Variants in TRIO observed in about 807,000 individuals in gnomAD.
The protein encoded by TRIO is triple functional domain protein.
In TRIO, 58 loss-of-function variants were observed where a neutral mutation model predicts 351.9. The ratio of observed to expected loss-of-function variants is 0.16; its 90% confidence interval spans 0.13 to 0.21. The LOEUF (loss-of-function observed/expected upper bound fraction) is 0.21. TRIO is among the 10% of genes least tolerant of loss of function. The pLI, the probability that TRIO is intolerant of heterozygous loss-of-function variation, is 1.00. For synonymous variants in TRIO, 1,758 were observed against 1,595.7 expected, an observed-to-expected ratio of 1.10 and a Z score of -2.42; for missense variants, 3,201 against 4,027.8, an observed-to-expected ratio of 0.79 and a Z score of 5.56.
chr5:14,481,149 G>A (rs1343337391), intron 43 of TRIO, 85 bp from the exon 44 acceptor site: 1 of 1,433,968 alleles, frequency 7.0e-7, no homozygotes, highest in Non-Finnish European at 9.5e-7. Flanking sequence ...AACATAGTGA[G>A]ACCCTGTCTC....
Position 14,498,224 on chromosome 5 carries a change from A to G in TRIO, c.8183A>G (p.Asn2728Ser), listed in dbSNP as rs1757026738. ...GGCCCTGAACACAACACCTTGAACA[A>G]CGATGGTCACTACAGCATCTCCTAC... is the stretch of plus-strand genomic sequence containing the variant. ...WKGPEHNTLN[N>S]DGHYSISYSD... The change falls in exon 52 of 57, where the codon AAC becomes AGC. Residue 2728 changes from asparagine to serine, a missense_variant. Physicochemically the swap from Asn to Ser is conservative, Grantham distance 46 (BLOSUM62 1). Around this residue, in one of 19 missense-constraint regions of TRIO, gnomAD observed 1,089 missense variants for 954.9 expected, o/e 1.14. Coordinates refer to ENST00000344204, the MANE Select transcript of TRIO (RefSeq NM_007118.4). 3 of 1,614,100 alleles carry G rather than the reference A, an allele frequency of 1.9e-6. No homozygotes were observed. The highest frequency in any genetic ancestry group is 2.2e-5 in the South Asian group (2 of 91,092).
At chr5:14,466,800 T>G (rs1754293002) in intron 37 of TRIO, among the ~76,000 whole-genome samples, 1 of 152,256 alleles carries the variant, frequency 6.6e-6, no homozygotes, top group Non-Finnish European at 1.5e-5. Flanking sequence ...ATTCAATTTT[T>G]AAGACTCTAA....
At chr5:14,379,273 C>T (rs1303587809) in intron 20 of TRIO, among the ~76,000 whole-genome samples, 1 of 152,242 alleles carries the variant, frequency 6.6e-6, no homozygotes, top group African/African-American at 2.4e-5. Flanking sequence ...ACCTCATATG[C>T]AGCTGATCCA....
Position 14,286,676 on chromosome 5 carries a change from G to A in TRIO, c.348-195G>A, listed in dbSNP as rs558059236. Among the ~76,000 whole-genome samples the A allele has an allele frequency of 9.2e-5, 14 of 152,312 alleles. No individual in the cohort carries two copies. The highest frequency in any genetic ancestry group is 3.4e-3 in the Middle Eastern group (1 of 294). On this transcript the variant is annotated intron_variant, in intron 3 of 56. Coordinates refer to ENST00000344204, the MANE Select transcript of TRIO (RefSeq NM_007118.4). This position sits in a 1 kb window ranked among gnomAD's most constrained non-coding sequence, Gnocchi z 4.4. ...AGGTTTTGCAGGTTGAACATGAAGCGTGTATAGCCTGGGTCTCTTCCTTTA... is the reference window on the plus strand; with the variant it reads ...AGGTTTTGCAGGTTGAACATGAAGCATGTATAGCCTGGGTCTCTTCCTTTA...
intron 27 of TRIO, among the ~76,000 whole-genome samples, chr5:14,392,804 T>C (rs770958575): frequency 3.3e-5 from 5 of 152,200 alleles, no homozygotes; most frequent in Admixed American, 6.5e-5. Context: ...CCCAGCACTT[T>C]GGGAGGCCAA....
In TRIO at chr5:14,286,791, T is replaced by C; in HGVS notation, c.348-80T>C. ...TCCAGCAGGGGAGGGAAGCTGGGTCTGTGGCACCCAGTGGGACTCTGACCA... is the reference window on the plus strand; with the variant it reads ...TCCAGCAGGGGAGGGAAGCTGGGTCCGTGGCACCCAGTGGGACTCTGACCA... On this transcript the variant is annotated intron_variant, in intron 3 of 56. Coordinates refer to ENST00000344204, the MANE Select transcript of TRIO (RefSeq NM_007118.4). This position sits in a 1 kb window ranked among gnomAD's most constrained non-coding sequence, Gnocchi z 4.4. 6.8e-7 allele frequency: 1 copy of C among 1,478,186 alleles called. No homozygotes were observed. The highest frequency in any genetic ancestry group is 9.1e-7 in the Non-Finnish European group (1 of 1,093,258). The allele number at this position is 1,478,186 out of a possible 1,614,324, so 91.6% of individuals were successfully genotyped here. A position where few individuals can be genotyped will look rare whatever the true frequency, so the allele number is the denominator to read the frequency against.
intron 1 of TRIO, among the ~76,000 whole-genome samples, chr5:14,212,475 T>C (rs1394010482): frequency 2.0e-5 from 3 of 152,192 alleles, no homozygotes; most frequent in Non-Finnish European, 4.4e-5. Context: ...AACGTGCAGA[T>C]GCTGCTTTCA....
rs951847219 is a variant in TRIO at position 14,381,068 on chromosome 5, G to A, written c.3448-62G>A. On this transcript the variant is annotated intron_variant, in intron 20 of 56. Coordinates refer to ENST00000344204, the MANE Select transcript of TRIO (RefSeq NM_007118.4). ...TTTGACCTTTAAATGAGGTGCTCGG[G>A]GCTTTGGGCTCCTCTCAGGAATGTG... is the stretch of plus-strand genomic sequence containing the variant. The A allele has an allele frequency of 1.0e-5, 16 of 1,549,766 alleles. No individual in the cohort carries two copies. In the East Asian group the frequency reaches 3.2e-4, roughly 31 times the overall value.
rs1408560528 is a variant in TRIO at position 14,336,630 on chromosome 5, A to G, written c.1949A>G (p.His650Arg). Residue 650 changes from histidine (H) to arginine (R), a missense_variant, in exon 11 of 57, where the codon CAT (histidine) becomes CGT (arginine). His to Arg is a conservative substitution (Grantham distance 29, BLOSUM62 0). Transcript: ENST00000344204. ...CCCGAAGAGATTTATCAGGCTGCCC[A>G]TCAGCTGGAAGACCGGATTCAAGAT... ...CDPEEIYQAA[H>R]QLEDRIQDFV... 6.2e-7 allele frequency: 1 copy of G among 1,614,210 alleles called. No individual in the cohort carries two copies.
rs758154355 is a variant in TRIO, at chr5:14,487,532, A to G, written c.6904A>G (p.Ser2302Gly). The G allele has an allele frequency of 2.2e-5, 17 of 788,590 alleles. No individual in the cohort carries two copies. Among genetic ancestry groups the G allele is most frequent in the African/African-American group, 7.6e-5 (4 of 52,392 alleles). 48.8% of individuals were successfully genotyped at this position (788,590 alleles called of 1,614,324 possible). Reference protein sequence around the residue: ...GGGGGGGSGGSGGGGGSGGGG... With the variant: ...GGGGGGGSGGGGGGGGSGGGG... Reference sequence around the variant, plus strand: ...CGGCGGCGGCGGCGGCAGCGGGGGCAGCGGCGGGGGTGGGGGCAGCGGCGG... The same window carrying G: ...CGGCGGCGGCGGCGGCAGCGGGGGCGGCGGCGGGGGTGGGGGCAGCGGCGG... Residue 2302 changes from serine to glycine, a missense_variant, in exon 48 of 57, where the codon AGC becomes GGC. Ser to Gly is a moderately conservative substitution (Grantham distance 56). Transcript: ENST00000344204.
chr5:14,283,086 G>C (rs1052190559), intron 3 of TRIO, among the ~76,000 whole-genome samples: 4 of 152,146 alleles, frequency 2.6e-5, no homozygotes, highest in Non-Finnish European at 5.9e-5. Flanking sequence ...CAAATTATGT[G>C]ATACAGATTT....
At chr5:14,238,092 A>T (rs1181595902) in intron 1 of TRIO, among the ~76,000 whole-genome samples, 3 of 152,164 alleles carry the variant, frequency 2.0e-5, no homozygotes, top group Non-Finnish European at 2.9e-5. Flanking sequence ...GAAGTTAGAG[A>T]TAGTGAACTT....
chr5:14,450,393 A>C (rs1579689513), intron 34 of TRIO, among the ~76,000 whole-genome samples: 1 of 152,170 alleles, frequency 6.6e-6, no homozygotes, highest in East Asian at 1.9e-4. Flanking sequence ...CTGCTGGTGA[A>C]AGCTCCCCAC....
rs375450837 is a variant in TRIO, at chr5:14,316,575, C to T, written c.1563C>T (p.Ser521=). The T allele has an allele frequency of 3.1e-5, 50 of 1,614,064 alleles. No individual in the cohort carries two copies. The Admixed American group carries it at 3.8e-4, about 12-fold the overall frequency. Residue 521 remains serine (S), a synonymous_variant, in exon 9 of 57, where the codon TCC becomes TCT. Coordinates refer to ENST00000344204, the MANE Select transcript of TRIO (RefSeq NM_007118.4). The part of the protein sequence containing the change: ...KLQRPLTPGS[S]DSLTASANYS... ...AGCGGCCCTTGACTCCCGGCAGCTC[C>T]GATTCCCTGACAGCCTCTGCCAACT...
chr5:14,219,290 AC>A (rs1462406287), intron 1 of TRIO, among the ~76,000 whole-genome samples: 1 of 150,816 alleles, frequency 6.6e-6, no homozygotes, highest in Non-Finnish European at 1.5e-5. Context: ...TGTTTTCCTT[AC>A]CCCCCGCCCA....
chr5:14,348,479 G>A (rs1742643839), intron 11 of TRIO, among the ~76,000 whole-genome samples: 1 of 152,256 alleles, frequency 6.6e-6, no homozygotes, highest in Non-Finnish European at 1.5e-5. Flanking sequence ...TCCTGCTTGT[G>A]TGTGCGTGTG....
chr5:14,294,845 A>G (rs1466154664), intron 6 of TRIO, among the ~76,000 whole-genome samples: 9 of 152,238 alleles, frequency 5.9e-5, no homozygotes, highest in Non-Finnish European at 1.3e-4. Flanking sequence ...GTTAATTCTT[A>G]CCAGTGATGT....
Position 14,471,311 on chromosome 5 carries a change from C to T in TRIO, c.5764-7C>T, listed in dbSNP as rs199713197. 1 of 1,613,262 alleles carries T rather than the reference C, an allele frequency of 6.2e-7. No homozygotes were observed. Among genetic ancestry groups the T allele is most frequent in the African/African-American group, 1.3e-5 (1 of 75,032 alleles). ...TAAGTGTTGTTGATTATGTCAATTT[C>T]TTCCAGGCACTGGAGGATCGCCCCA... On this transcript the variant is annotated splice_polypyrimidine_tract_variant and splice_region_variant and intron_variant, in intron 37 of 56. Transcript: ENST00000344204.
At chr5:14,220,691 CAGCATTCCCTTT>C (rs1275040953) in intron 1 of TRIO, among the ~76,000 whole-genome samples, 1 of 152,230 alleles carries the variant, frequency 6.6e-6, no homozygotes, top group Non-Finnish European at 1.5e-5. Flanking sequence ...TAGCCAGCCA[CAGCATTCCCTTT>C]AGACAAAGCC....
Sources: gnomAD v4.1 joint callset for allele counts (sites outside exome capture counted in the v4.1 genomes callset) on GRCh38, gnomAD v4.1.1 for gene constraint, gnomAD v4.1.1 regional missense constraint, Gnocchi (gnomAD v3.1) non-coding constraint, MANE v1.5 for transcripts, NCBI Gene and HGNC (gene_info 2026-07-23, HGNC 2026-07-21) for gene names.